POT1: variants seen among roughly 807,000 people sequenced by gnomAD.
POT1 encodes protection of telomeres 1.
POT1 carries 47 observed loss-of-function variants against 78.5 expected under a neutral mutation model. The observed-to-expected ratio is 0.60, with a 90% CI of 0.47 to 0.76. POT1 has a LOEUF of 0.76. Ranked by LOEUF, POT1 falls within the 30% of genes least tolerant of loss-of-function variation. POT1 has a pLI of 0.00. For missense variants in POT1, 646 were observed against 749.9 expected (o/e 0.86, Z 1.62); for synonymous variants, 259 against 260.7 (o/e 0.99, Z 0.06).
intron 2 of POT1, among the ~76,000 whole-genome samples, chr7:124,916,725 T>C (rs1214593605): frequency 6.6e-6 from 1 of 152,108 alleles, no homozygotes; most frequent in East Asian, 1.9e-4. Flanking sequence ...TAAGAAAAAT[T>C]CATCTAACAC....
intron 3 of POT1, among the ~76,000 whole-genome samples, chr7:124,903,534 G>A (rs1044299296): frequency 1.3e-5 from 2 of 152,110 alleles, no homozygotes; most frequent in African/African-American, 4.8e-5. Context: ...AGTGTGTAGA[G>A]GGAAATTTAT....
intron 3 of POT1, chr7:124,900,885 G>A (rs1016381979): frequency 5.7e-6 from 2 of 349,558 alleles, no homozygotes; most frequent in Admixed American, 2.8e-5. Flanking sequence ...CATGCCCACA[G>A]AGTTTTGCTC....
chr7:124,858,464 A>G (rs1421892292), intron 9 of POT1, among the ~76,000 whole-genome samples: 1 of 152,094 alleles, frequency 6.6e-6, no homozygotes. Flanking sequence ...AATTCTATAA[A>G]TTACACAGTA....
chr7:124,929,703 T>A (rs1797361306), intron 1 of POT1, 91 bp downstream of exon 1: 1 of 152,120 alleles, frequency 6.6e-6, no homozygotes, highest in African/African-American at 2.4e-5. Context: ...GATAATTACA[T>A]CAAATTTTGA....
chr7:124,860,714 C>A (rs868540491), intron 8 of POT1, among the ~76,000 whole-genome samples: 1 of 152,158 alleles, frequency 6.6e-6, no homozygotes, highest in Non-Finnish European at 1.5e-5. Flanking sequence ...CCCATCAACC[C>A]GTCATCTACG....
At chr7:124,852,520 A>G (rs748103139) in intron 10 of POT1, among the ~76,000 whole-genome samples, 2 of 152,186 alleles carry the variant, frequency 1.3e-5, no homozygotes, top group African/African-American at 2.4e-5. Context: ...TTTCTGGCAC[A>G]TGTAAAAATT....
intron 6 of POT1, among the ~76,000 whole-genome samples, chr7:124,874,616 T>C (rs1030242996): frequency 2.0e-5 from 3 of 151,622 alleles, no homozygotes; most frequent in Non-Finnish European, 2.9e-5. Context: ...TCTCCTGTAA[T>C]CCCAGCTACT....
intron 11 of POT1, among the ~76,000 whole-genome samples, chr7:124,848,980 AAAG>A (rs567372894): frequency 6.3e-4 from 96 of 152,332 alleles, no homozygotes; most frequent in Non-Finnish European, 9.3e-4. Flanking sequence ...TGCTTTCTAA[AAAG>A]AAGAACTTAA....
Position 124,829,235 on chromosome 7 carries a change from G to A in POT1, c.1594+19C>T. On this transcript the variant is annotated intron_variant, in intron 16 of 18. Coordinates refer to ENST00000357628, the MANE Select transcript of POT1 (RefSeq NM_015450.3). ...GTAAACAAACAGTTAAAATTGCAGG[G>A]CATGGAAATTTAGCTAACCTTCTGC... is the stretch of plus-strand genomic sequence containing the variant. 1 of 1,510,028 alleles carries A rather than the reference G, an allele frequency of 6.6e-7. No homozygotes were observed. Among genetic ancestry groups the A allele is most frequent in the Non-Finnish European group, 9.2e-7 (1 of 1,088,508 alleles). The allele number at this position is 1,510,028 out of a possible 1,614,324, so 93.5% of individuals were successfully genotyped here. A position where few individuals can be genotyped will look rare whatever the true frequency, so the allele number is the denominator to read the frequency against.
chr7:124,856,918 A>G (rs1045247334), intron 9 of POT1, among the ~76,000 whole-genome samples: 1 of 152,222 alleles, frequency 6.6e-6, no homozygotes, highest in African/African-American at 2.4e-5. Flanking sequence ...GTGTTTTCTG[A>G]TATGTCACAG....
At chr7:124,850,194 T>C (rs1446818537) in intron 11 of POT1, among the ~76,000 whole-genome samples, 1 of 152,202 alleles carries the variant, frequency 6.6e-6, no homozygotes, top group Non-Finnish European at 1.5e-5. Context: ...GCCAAAACGT[T>C]ATCACGAAGT....
chr7:124,833,316 G>A (rs144217071), intron 15 of POT1, among the ~76,000 whole-genome samples: 27 of 152,236 alleles, frequency 1.8e-4, no homozygotes, highest in African/African-American at 5.5e-4. Context: ...GAGGTATCAT[G>A]CTTACCGTAT....
chr7:124,849,442 C>T (rs1795250202), intron 11 of POT1, among the ~76,000 whole-genome samples: 1 of 152,084 alleles, frequency 6.6e-6, no homozygotes, highest in Admixed American at 6.6e-5. Context: ...AAGAAAACAC[C>T]TTTCACCTGC....
At chr7:124,918,926 C>T (rs1425190034) in intron 2 of POT1, among the ~76,000 whole-genome samples, 6 of 152,094 alleles carry the variant, frequency 3.9e-5, no homozygotes, top group African/African-American at 1.4e-4. Context: ...CACTGCATCA[C>T]TCTGAATGGG....
chr7:124,823,405 C>T lies in POT1; in HGVS notation c.*557G>A, dbSNP rs1179281909. The T allele has an allele frequency of 6.6e-6, 1 of 151,846 alleles. No homozygotes were observed. Among genetic ancestry groups the T allele is most frequent in the African/African-American group, 2.4e-5 (1 of 41,354 alleles). The allele number at this position is 151,846 out of a possible 1,614,324, so 9.4% of individuals were successfully genotyped here. On this transcript the variant is annotated 3_prime_UTR_variant, in exon 19 of 19. Transcript: ENST00000357628. The stretch of plus-strand genomic sequence containing the variant: ...TGATTTTAAATTTGACAAACACTGT[C>T]AGGTAAAAATCAAACTATTTTACTA...
chr7:124,843,019 A>C, intron 12 of POT1, 56 bp from the exon 13 acceptor site: 3 of 1,232,144 alleles, frequency 2.4e-6, no homozygotes. Flanking sequence ...TATGACATGC[A>C]TCCTCCTGAA....
intron 13 of POT1, among the ~76,000 whole-genome samples, chr7:124,842,343 T>C (rs1377662392): frequency 1.3e-5 from 2 of 152,004 alleles, no homozygotes; most frequent in Non-Finnish European, 2.9e-5. Context: ...GTAAAGGCAC[T>C]GAGAAATTCT....
chr7:124,850,591 G>A (rs1383888127), intron 11 of POT1, among the ~76,000 whole-genome samples: 2 of 152,018 alleles, frequency 1.3e-5, no homozygotes, highest in Admixed American at 1.3e-4. Flanking sequence ...AATTAGCCGG[G>A]TGTGGTGGCG....
At chr7:124,892,404 T>A in intron 5 of POT1, 24 bp from the exon 6 acceptor site, 1 of 1,120,870 alleles carries the variant, frequency 8.9e-7, no homozygotes, top group Non-Finnish European at 1.2e-6. Flanking sequence ...AGACAGTGAA[T>A]ACATTTATAC....
Sources: allele counts gnomAD v4.1 joint callset (sites outside exome capture counted in the v4.1 genomes callset), GRCh38; gene constraint gnomAD v4.1.1; transcripts MANE v1.5; gene names NCBI Gene and HGNC (gene_info 2026-07-23, HGNC 2026-07-21).